The following CNOT1 variants were observed in gnomAD, a reference collection of about 807,000 sequenced individuals.
The protein encoded by CNOT1 is CCR4-associated factor 1.
Under a neutral mutation model 273.8 loss-of-function variants are expected in CNOT1, and 15 were observed. The observed-to-expected ratio is 0.05, with a 90% CI of 0.04 to 0.08. CNOT1 has a LOEUF of 0.08. Ranked by LOEUF, CNOT1 falls within the 10% of genes least tolerant of loss-of-function variation. The pLI is 1.00. For missense variants in CNOT1, 1,644 were observed against 2,912.2 expected (o/e 0.56, Z 10.02); for synonymous variants, 1,022 against 1,005.5 (o/e 1.02, Z -0.31).
At chr16:58,572,612 A>C (rs963794945) in intron 16 of CNOT1, among the ~76,000 whole-genome samples, 5 of 151,768 alleles carry the variant, frequency 3.3e-5, no homozygotes, top group African/African-American at 7.3e-5. Flanking sequence ...CACACACACA[A>C]AAATTAAGTT....
At chr16:58,611,952 C>T (rs953245201) in intron 1 of CNOT1, among the ~76,000 whole-genome samples, 1 of 152,144 alleles carries the variant, frequency 6.6e-6, no homozygotes, top group African/African-American at 2.4e-5. Context: ...GGACCAAAGA[C>T]ATCTGTTTGC....
intron 4 of CNOT1, 143 bp from the exon 5 acceptor site, chr16:58,587,556 A>C (rs2041915948): frequency 7.9e-7 from 1 of 1,270,360 alleles, no homozygotes; most frequent in Admixed American, 2.8e-5. Flanking sequence ...CTATGTCCTA[A>C]AACTGTGAAA....
chr16:58,603,057 T>C (rs1314093522), intron 1 of CNOT1, among the ~76,000 whole-genome samples: 1 of 152,134 alleles, frequency 6.6e-6, no homozygotes, highest in Non-Finnish European at 1.5e-5. Flanking sequence ...TTATTTTGGC[T>C]CCGCCTATAA....
At chr16:58,602,409 C>T (rs2042498705) in intron 1 of CNOT1, among the ~76,000 whole-genome samples, 1 of 151,664 alleles carries the variant, frequency 6.6e-6, no homozygotes, top group African/African-American at 2.4e-5. Flanking sequence ...ATCTGTAGGC[C>T]GGGTGTGGTG....
At chr16:58,618,902 T>C (rs2043195819) in intron 1 of CNOT1, among the ~76,000 whole-genome samples, 2 of 152,076 alleles carry the variant, frequency 1.3e-5, no homozygotes, top group South Asian at 2.1e-4. Context: ...CAAGAATTAA[T>C]CTAATCCACG....
intron 35 of CNOT1, among the ~76,000 whole-genome samples, chr16:58,539,478 C>CAG (rs1170431878): frequency 1.3e-5 from 2 of 148,178 alleles, no homozygotes; most frequent in East Asian, 2.2e-4. Context: ...CACACACACA[C>CAG]ACACACACAC....
chr16:58,563,831 T>TC (rs1464104170), intron 16 of CNOT1, among the ~76,000 whole-genome samples: 2 of 152,184 alleles, frequency 1.3e-5, no homozygotes, highest in Non-Finnish European at 2.9e-5. Flanking sequence ...CCTAACACAA[T>TC]CGCAGATGAA....
In CNOT1 at chr16:58,545,517, T is replaced by C. The variant is rs377195948; in HGVS notation, c.4007-26A>G. 63 of 1,612,352 alleles carry C rather than the reference T, an allele frequency of 3.9e-5. No homozygotes were observed. In the African/African-American group the frequency reaches 7.7e-4, roughly 20 times the overall value. ...CTAAATGTCAAGTAATAAAAAGAGA[T>C]TTAAAAAGTACATTTGTTGACTTTA... On this transcript the variant is annotated intron_variant, in intron 29 of 48. Coordinates refer to ENST00000317147, the MANE Select transcript of CNOT1 (RefSeq NM_016284.5).
rs904290220 is a variant in CNOT1 at position 58,580,538 on chromosome 16, T to G, written c.1343+95A>C. ...AGGTCACTAAAACTACTGCTTCATT[T>G]AAACCTGTTAACTATGTACTTGGCT... On this transcript the variant is annotated intron_variant, in intron 12 of 48. Transcript: ENST00000317147. The G allele has an allele frequency of 3.4e-6, 5 of 1,472,682 alleles. No homozygotes were observed. The East Asian group carries it at 1.2e-4, about 36-fold the overall frequency. 91.2% of individuals were successfully genotyped at this position (1,472,682 alleles called of 1,614,324 possible).
intron 16 of CNOT1, among the ~76,000 whole-genome samples, chr16:58,572,849 A>G (rs2041322713): frequency 6.6e-6 from 1 of 151,498 alleles, no homozygotes. Context: ...CAGAGGTTGT[A>G]GTGAGCCAAG....
At chr16:58,529,840 CAAAAAAAA>C (rs58854069) in intron 43 of CNOT1, among the ~76,000 whole-genome samples, 5 of 69,398 alleles carry the variant, frequency 7.2e-5, no homozygotes, top group East Asian at 4.3e-4. Context: ...GACTCTGTCT[CAAAAAAAA>C]AAAAAAAAAA....
chr16:58,539,050 C>A (rs2039997749), intron 35 of CNOT1, 136 bp from the exon 36 acceptor site: 1 of 1,328,140 alleles, frequency 7.5e-7, no homozygotes, highest in Middle Eastern at 2.6e-4. Flanking sequence ...CTCCAAACAT[C>A]CCTTTCAGTT....
At chr16:58,575,787 G>C (rs1231250843) in intron 14 of CNOT1, among the ~76,000 whole-genome samples, 3 of 141,482 alleles carry the variant, frequency 2.1e-5, no homozygotes, top group Non-Finnish European at 4.9e-5. Context: ...GACAGAGTAA[G>C]ATTCTATCTC....
At chr16:58,592,600 C>G (rs925089114) in intron 2 of CNOT1, among the ~76,000 whole-genome samples, 2 of 152,122 alleles carry the variant, frequency 1.3e-5, no homozygotes, top group Non-Finnish European at 1.5e-5. Context: ...CTAAAACAAA[C>G]AAAGTAGTCC....
chr16:58,578,980 C>T (rs2041560743), intron 12 of CNOT1, 41 bp from the exon 13 acceptor site: 1 of 1,599,408 alleles, frequency 6.3e-7, no homozygotes, highest in African/African-American at 1.3e-5. Flanking sequence ...AATGAAAATC[C>T]AAGTATACAG....
intron 1 of CNOT1, among the ~76,000 whole-genome samples, chr16:58,622,535 C>T (rs554100651): frequency 3.3e-5 from 5 of 152,138 alleles, no homozygotes; most frequent in African/African-American, 1.2e-4. Context: ...TTATCTGACT[C>T]GGAAACTGCT....
rs1947273902 is a variant in CNOT1, at chr16:58,543,678, T to G, written c.4363A>C (p.Ile1455Leu). 2 of 1,614,074 alleles carry G rather than the reference T, an allele frequency of 1.2e-6. No homozygotes were observed. Among genetic ancestry groups the G allele is most frequent in the Non-Finnish European group, 1.7e-6 (2 of 1,180,044 alleles). Residue 1455 changes from isoleucine to leucine, a missense_variant, in exon 31 of 49, where the codon ATT becomes CTT. Physicochemically the swap from Ile to Leu is conservative, Grantham distance 5. This residue lies in a region of CNOT1 where 133 missense variants were observed against 230.4 expected (regional missense o/e 0.58). Coordinates refer to ENST00000317147, the MANE Select transcript of CNOT1 (RefSeq NM_016284.5). ...MRNLTAGMAM[I>L]TCREPLLMSI... ...ATGAGCAAAGGTTCCCTGCATGTAA[T>G]CATAGCCATTCCAGCTGTCAAGTTA...
chr16:58,541,894 T>A (rs566920656), intron 33 of CNOT1, among the ~76,000 whole-genome samples: 9 of 152,330 alleles, frequency 5.9e-5, no homozygotes, highest in Admixed American at 3.3e-4. Flanking sequence ...AATTCTCCCT[T>A]GAAGCTGGTA....
chr16:58,548,463 C>G (rs1199076100), intron 25 of CNOT1: 1 of 502,386 alleles, frequency 2.0e-6, no homozygotes, highest in Admixed American at 2.1e-5. Flanking sequence ...TGTATCCCAA[C>G]CACCCTTGCT....
Sources: gnomAD v4.1 joint callset for allele counts (sites outside exome capture counted in the v4.1 genomes callset) on GRCh38, gnomAD v4.1.1 for gene constraint, gnomAD v4.1.1 regional missense constraint, MANE v1.5 for transcripts, NCBI Gene and HGNC (gene_info 2026-07-23, HGNC 2026-07-21) for gene names.